Variants in KCNQ1 observed in about 807,000 individuals in gnomAD.
KCNQ1 encodes potassium voltage-gated channel subfamily Q member 1.
Under a neutral mutation model 72.4 loss-of-function variants are expected in KCNQ1, and 49 were observed. The ratio of observed to expected loss-of-function variants is 0.68; its 90% CI spans 0.54 to 0.86. KCNQ1 has a LOEUF of 0.86. KCNQ1 is among the 40% of genes least tolerant of loss of function. The probability of loss-of-function intolerance (pLI) is 0.00; values close to 1 mark genes in which losing one functional copy is unlikely to be tolerated. For missense variants in KCNQ1, 790 were observed against 945.1 expected, an observed-to-expected ratio of 0.84 and a Z score of 2.15; for synonymous variants, 450 against 412.6, an observed-to-expected ratio of 1.09 and a Z score of -1.10.
At chr11:2,583,655 G>A (rs1414507434) in intron 7 of KCNQ1, 110 bp downstream of exon 7, 3 of 807,518 alleles carry the variant, frequency 3.7e-6, no homozygotes, top group Non-Finnish European at 2.2e-6. Flanking sequence ...AACCAAGAGG[G>A]TGCTTCCCTT....
rs1046240336 is a variant in KCNQ1, at chr11:2,483,968, T to C, written c.386+38484T>C. On this transcript the variant is annotated intron_variant, in intron 1 of 15. Coordinates refer to ENST00000155840, the MANE Select transcript of KCNQ1 (RefSeq NM_000218.3). This position sits in a 1 kb window ranked among gnomAD's most constrained non-coding sequence, Gnocchi z 6.1. ...CTGGTTTTGCTTGTGACAGGCAAAG[T>C]CTGTGGTGCTTGCCAAATGGGGATT... Among the ~76,000 whole-genome samples, 3 of 152,204 alleles carry C rather than the reference T, an allele frequency of 2.0e-5. No homozygotes were observed. Among genetic ancestry groups the C allele is most frequent in the African/African-American group, 7.2e-5 (3 of 41,452 alleles).
chr11:2,617,580 G>C lies in KCNQ1; in HGVS notation c.1393+28726G>C. ...TTCATTTTCTTTGGGAATATACCTA[G>C]AAGAGGGATTAGTGGGTCAGATGAT... On this transcript the variant is annotated intron_variant, in intron 10 of 15. Coordinates refer to ENST00000155840, the MANE Select transcript of KCNQ1 (RefSeq NM_000218.3). This position sits in a 1 kb window ranked among gnomAD's most constrained non-coding sequence, Gnocchi z 4.6. The C allele has an allele frequency of 2.5e-6, 1 of 398,406 alleles. No individual in the cohort carries two copies. Among genetic ancestry groups the C allele is most frequent in the Non-Finnish European group, 4.4e-6 (1 of 225,962 alleles). The allele number at this position is 398,406 out of a possible 1,614,324, so 24.7% of individuals were successfully genotyped here.
intron 10 of KCNQ1, chr11:2,641,357 T>C: frequency 2.5e-6 from 1 of 398,490 alleles, no homozygotes; most frequent in Admixed American, 4.4e-5. Flanking sequence ...TCACTATGGT[T>C]TTGGCTTGCA....
intron 1 of KCNQ1, among the ~76,000 whole-genome samples, chr11:2,485,054 G>A (rs1378256455): frequency 6.6e-6 from 1 of 152,074 alleles, no homozygotes; most frequent in Non-Finnish European, 1.5e-5. Context: ...TCTGTGCACG[G>A]CGCGTCTTGT....
chr11:2,465,032 C>T (rs1846331575), intron 1 of KCNQ1, among the ~76,000 whole-genome samples: 2 of 152,234 alleles, frequency 1.3e-5, no homozygotes, highest in African/African-American at 4.8e-5. Context: ...TTTCCCCCAT[C>T]TGTAAAATGG....
chr11:2,733,914 C>A (rs1288376079), intron 11 of KCNQ1, among the ~76,000 whole-genome samples: 1 of 151,110 alleles, frequency 6.6e-6, no homozygotes. Context: ...AGGCGCACCA[C>A]CCCCGAAACA....
rs936184714 is a variant in KCNQ1 at position 2,544,499 on chromosome 11, C to A, written c.477+16481C>A. Among the ~76,000 whole-genome samples, 6 of 151,234 alleles carry A rather than the reference C, an allele frequency of 4.0e-5. No individual in the cohort carries two copies. The highest frequency in any genetic ancestry group is 8.8e-5 in the Non-Finnish European group (6 of 67,902). ...TCTCATATACATATGAGGTTATATACCACTTATTTAGATTTTTAACTTCTG... is the reference window on the plus strand; with the variant it reads ...TCTCATATACATATGAGGTTATATAACACTTATTTAGATTTTTAACTTCTG... On this transcript the variant is annotated intron_variant, in intron 2 of 15. Coordinates refer to ENST00000155840, the MANE Select transcript of KCNQ1 (RefSeq NM_000218.3). This position sits in a 1 kb window ranked among gnomAD's most constrained non-coding sequence, Gnocchi z 4.4.
At position 2,815,670 on chromosome 11, in the gene KCNQ1, G is replaced by T. The variant is rs1049222105; in HGVS notation, c.1795-32097G>T. Among the ~76,000 whole-genome samples, 1 of 151,906 alleles carries T rather than the reference G, an allele frequency of 6.6e-6. No homozygotes were observed. Among genetic ancestry groups the T allele is most frequent in the Non-Finnish European group, 1.5e-5 (1 of 67,958 alleles). ...CGCCCCCAGCCCCAGGCTGACCCCA[G>T]TCCCTCCCTATGCAGGCAGAGGGGC... On this transcript the variant is annotated intron_variant, in intron 15 of 15. Transcript: ENST00000155840. This position sits in a 1 kb window ranked among gnomAD's most constrained non-coding sequence, Gnocchi z 5.4.
At chr11:2,740,808 C>T (rs1052464353) in intron 11 of KCNQ1, among the ~76,000 whole-genome samples, 11 of 152,190 alleles carry the variant, frequency 7.2e-5, no homozygotes, top group East Asian at 1.9e-4. Context: ...AGACTCTGTG[C>T]GTCCCCTGCG....
Position 2,617,448 on chromosome 11 carries a change from C to A in KCNQ1, c.1393+28594C>A. On this transcript the variant is annotated intron_variant, in intron 10 of 15. Coordinates refer to ENST00000155840, the MANE Select transcript of KCNQ1 (RefSeq NM_000218.3). The surrounding 1 kb of genome is among the most constrained non-coding windows in gnomAD (Gnocchi z 4.6). ...TAATATTCCATTGTAGACATACACA[C>A]CACAGTTTAGTCATCCATCAATGGA... 7.5e-6 allele frequency: 3 copies of A among 398,394 alleles called. No homozygotes were observed. The highest frequency in any genetic ancestry group is 1.3e-4 in the South Asian group (1 of 7,852). The allele number at this position is 398,394 out of a possible 1,614,324, so 24.7% of individuals were successfully genotyped here.
Position 2,661,172 on chromosome 11 carries a change from C to T in KCNQ1, c.1394-789C>T. The T allele has an allele frequency of 2.5e-6, 1 of 398,540 alleles. No homozygotes were observed. Among genetic ancestry groups the T allele is most frequent in the Non-Finnish European group, 4.4e-6 (1 of 226,086 alleles). 24.7% of individuals were successfully genotyped at this position (398,540 alleles called of 1,614,324 possible). On this transcript the variant is annotated intron_variant, in intron 10 of 15. Coordinates refer to ENST00000155840, the MANE Select transcript of KCNQ1 (RefSeq NM_000218.3). This position sits in a 1 kb window ranked among gnomAD's most constrained non-coding sequence, Gnocchi z 5.9. ...TCTAGTTGGCAGTTAACACTGATGA[C>T]CTTGGGGGAGGAAAGCCATTGTGAA... is the stretch of plus-strand genomic sequence containing the variant.
Position 2,817,032 on chromosome 11 carries a change from C to T in KCNQ1, c.1795-30735C>T, listed in dbSNP as rs1468580441. ...ACAGGGAGGTCTCAGGGCAACAGAG[C>T]CCAGTGGCACTCCTGACCCCAGGAG... On this transcript the variant is annotated intron_variant, in intron 15 of 15. Transcript: ENST00000155840. This position sits in a 1 kb window ranked among gnomAD's most constrained non-coding sequence, Gnocchi z 6.1. Among the ~76,000 whole-genome samples the T allele has an allele frequency of 6.6e-6, 1 of 152,110 alleles. No individual in the cohort carries two copies. The highest frequency in any genetic ancestry group is 1.5e-5 in the Non-Finnish European group (1 of 68,004).
rs902010508 is a variant in KCNQ1, at chr11:2,666,538, A to G, written c.1514+4457A>G. The stretch of plus-strand genomic sequence containing the variant: ...TGGCCTGGCTTTCATCCACATCACT[A>G]CTAATGTCTCCTGAATTCTGCATTT... On this transcript the variant is annotated intron_variant, in intron 11 of 15. Transcript: ENST00000155840. 6.3e-5 allele frequency: 25 copies of G among 398,628 alleles called. No homozygotes were observed. The South Asian group carries it at 6.4e-4, about 10-fold the overall frequency. The allele number at this position is 398,628 out of a possible 1,614,324, so 24.7% of individuals were successfully genotyped here.
At position 2,824,476 on chromosome 11, in the gene KCNQ1, G is replaced by C. The variant is rs1169524784; in HGVS notation, c.1795-23291G>C. On this transcript the variant is annotated intron_variant, in intron 15 of 15. Transcript: ENST00000155840. This position sits in a 1 kb window ranked among gnomAD's most constrained non-coding sequence, Gnocchi z 5.9. ...AGGAGCAGGGAGGAGGACACGCAGG[G>C]CCTGAAAGGTTCTGAGGTGTCCACG... 6.6e-6 allele frequency among the ~76,000 whole-genome samples: 1 copy of C among 152,172 alleles called. No individual in the cohort carries two copies. The highest frequency in any genetic ancestry group is 1.5e-5 in the Non-Finnish European group (1 of 68,036).
chr11:2,646,824 TTTTG>T (rs1437959506), intron 10 of KCNQ1: 1 of 398,480 alleles, frequency 2.5e-6, no homozygotes, highest in Non-Finnish European at 4.4e-6. Context: ...ACCTACTAAT[TTTTG>T]TTTGTTGATT....
chr11:2,510,311 A>G, intron 1 of KCNQ1, among the ~76,000 whole-genome samples: 1 of 151,700 alleles, frequency 6.6e-6, no homozygotes, highest in Admixed American at 6.6e-5. Context: ...AAATAAATAA[A>G]GGTTTGTTGG....
rs1453623949 is a variant in KCNQ1, at chr11:2,677,703, T to A, written c.1514+15622T>A. 25 of 398,492 alleles carry A rather than the reference T, an allele frequency of 6.3e-5. No homozygotes were observed. The highest frequency in any genetic ancestry group is 1.1e-4 in the Non-Finnish European group (24 of 226,042). The allele number at this position is 398,492 out of a possible 1,614,324, so 24.7% of individuals were successfully genotyped here. ...AACTACTGTTATTTTTCAAATTAAC[T>A]TCCCAATCAAATATCTCTATTGTAA... On this transcript the variant is annotated intron_variant, in intron 11 of 15. Coordinates refer to ENST00000155840, the MANE Select transcript of KCNQ1 (RefSeq NM_000218.3). The surrounding 1 kb of genome is among the most constrained non-coding windows in gnomAD (Gnocchi z 4.5).
At position 2,769,000 on chromosome 11, in the gene KCNQ1, C is replaced by T; in HGVS notation, c.1590+81C>T. 1 of 1,200,716 alleles carries T rather than the reference C, an allele frequency of 8.3e-7. No homozygotes were observed. Among genetic ancestry groups the T allele is most frequent in the South Asian group, 1.2e-5 (1 of 81,252 alleles). 74.4% of individuals were successfully genotyped at this position (1,200,716 alleles called of 1,614,324 possible). A position where few individuals can be genotyped will look rare whatever the true frequency, so the allele number is the denominator to read the frequency against. On this transcript the variant is annotated intron_variant, in intron 12 of 15. Transcript: ENST00000155840. The surrounding 1 kb of genome is among the most constrained non-coding windows in gnomAD (Gnocchi z 6.7). ...GCTGCCCACACCTCTCCTGGGTTCT[C>T]TCCTGCCCATAGTGGAGGGTGTCAA...
chr11:2,706,494 AC>A (rs1850914043), intron 11 of KCNQ1, among the ~76,000 whole-genome samples: 1 of 152,148 alleles, frequency 6.6e-6, no homozygotes, highest in Non-Finnish European at 1.5e-5. Flanking sequence ...CAGCCAAGCC[AC>A]CCCCAGATCC....
Sources: gnomAD v4.1 joint callset for allele counts (sites outside exome capture counted in the v4.1 genomes callset) on GRCh38, gnomAD v4.1.1 for gene constraint, Gnocchi (gnomAD v3.1) non-coding constraint, MANE v1.5 for transcripts, NCBI Gene and HGNC (gene_info 2026-07-23, HGNC 2026-07-21) for gene names.